Variants in PALM2AKAP2 observed in about 807,000 individuals in gnomAD.
PALM2AKAP2 encodes PALM2 and AKAP2 fusion.
PALM2AKAP2 carries 37 observed loss-of-function variants against 71.5 expected under a neutral mutation model. The observed-to-expected ratio is 0.52, with a 90% CI of 0.40 to 0.68. PALM2AKAP2 has a LOEUF of 0.68. PALM2AKAP2 is among the 30% of genes least tolerant of loss of function. PALM2AKAP2 has a pLI of 0.00. For synonymous variants in PALM2AKAP2, 468 were observed against 478.8 expected (o/e 0.98, Z 0.29); for missense variants, 1,224 against 1,191.8 (o/e 1.03, Z -0.40).
At chr9:109,733,796 T>C (rs1828590064) in intron 1 of PALM2AKAP2, among the ~76,000 whole-genome samples, 1 of 152,192 alleles carries the variant, frequency 6.6e-6, no homozygotes, top group South Asian at 2.1e-4. Flanking sequence ...CCACGAATAG[T>C]GATTGTGCAA....
intron 1 of PALM2AKAP2, among the ~76,000 whole-genome samples, chr9:109,741,501 C>T (rs1239308952): frequency 1.3e-5 from 2 of 152,140 alleles, no homozygotes; most frequent in East Asian, 3.9e-4. Context: ...GGTCATAGGG[C>T]GACAGATGTT....
At chr9:109,914,861 T>C (rs1189417329) in intron 3 of PALM2AKAP2, among the ~76,000 whole-genome samples, 1 of 152,208 alleles carries the variant, frequency 6.6e-6, no homozygotes, top group Non-Finnish European at 1.5e-5. Flanking sequence ...TCAGAAGTGT[T>C]CATAGGGTCC....
chr9:109,894,982 A>G (rs952606997), intron 3 of PALM2AKAP2, among the ~76,000 whole-genome samples: 1 of 152,154 alleles, frequency 6.6e-6, no homozygotes, highest in African/African-American at 2.4e-5. Context: ...CTAGAAAAGA[A>G]CTTGGAGTCT....
intron 6 of PALM2AKAP2, among the ~76,000 whole-genome samples, chr9:109,976,240 A>G (rs1832170740): frequency 6.6e-6 from 1 of 152,226 alleles, no homozygotes; most frequent in African/African-American, 2.4e-5. Context: ...CACTTAATAT[A>G]TGCCAAGTAC....
intron 3 of PALM2AKAP2, among the ~76,000 whole-genome samples, chr9:109,919,739 G>A (rs753095937): frequency 0.029 from 4,084 of 140,942 alleles, 92 homozygotes; most frequent in African/African-American, 0.068. Context: ...ATACATATGT[G>A]TGTGTGTGTG....
chr9:110,122,440 T>G (rs1835509722), intron 1 of PALM2AKAP2, among the ~76,000 whole-genome samples: 1 of 152,228 alleles, frequency 6.6e-6, no homozygotes, highest in Non-Finnish European at 1.5e-5. Flanking sequence ...TGGGGATTCA[T>G]GGCTTCTAGC....
intron 3 of PALM2AKAP2, among the ~76,000 whole-genome samples, chr9:109,882,549 A>G (rs559362441): frequency 5.2e-4 from 79 of 152,326 alleles, no homozygotes; most frequent in Admixed American, 5.0e-3. Context: ...ACATATATAT[A>G]TAGAGAGAGA....
intron 1 of PALM2AKAP2, among the ~76,000 whole-genome samples, chr9:109,737,352 G>C (rs763159887): frequency 2.0e-5 from 3 of 152,248 alleles, no homozygotes; most frequent in Non-Finnish European, 4.4e-5. Flanking sequence ...GCACAGTTAG[G>C]ACTGTGCAGT....
intron 1 of PALM2AKAP2, among the ~76,000 whole-genome samples, chr9:110,058,579 G>A (rs1833894693): frequency 6.6e-6 from 1 of 152,044 alleles, no homozygotes. Context: ...TGAATAATTG[G>A]TAAAGGGAAC....
At chr9:109,929,273 T>C (rs2131983548) in intron 5 of PALM2AKAP2, among the ~76,000 whole-genome samples, 2 of 152,186 alleles carry the variant, frequency 1.3e-5, no homozygotes, top group Middle Eastern at 3.4e-3. Flanking sequence ...CTCCATCTTA[T>C]TTGAATGCAG....
intron 1 of PALM2AKAP2, among the ~76,000 whole-genome samples, chr9:109,709,291 G>A (rs953194666): frequency 2.6e-5 from 4 of 152,204 alleles, no homozygotes; most frequent in African/African-American, 7.2e-5. Flanking sequence ...GCCCAGCCTA[G>A]TGCTTGGATG....
At chr9:110,136,283 A>C in exon 2 of PALM2AKAP2, 1 of 1,614,152 alleles carries the variant, frequency 6.2e-7, no homozygotes, top group African/African-American at 1.3e-5. Context: ...TGTTCCTGGA[A>C]TCACCTCTAC....
At chr9:109,941,833 G>T (rs1831378303) in intron 6 of PALM2AKAP2, among the ~76,000 whole-genome samples, 1 of 152,216 alleles carries the variant, frequency 6.6e-6, no homozygotes, top group Non-Finnish European at 1.5e-5. Context: ...GGGAGACCAG[G>T]TAGGAAGCTC....
At chr9:109,832,802 AAG>A (rs2131545075) in intron 1 of PALM2AKAP2, among the ~76,000 whole-genome samples, 1 of 152,288 alleles carries the variant, frequency 6.6e-6, no homozygotes, top group East Asian at 1.9e-4. Flanking sequence ...CTCAAATGGC[AAG>A]AGTTTGTTTA....
At chr9:110,021,556 A>G (rs148013088) in intron 7 of PALM2AKAP2, among the ~76,000 whole-genome samples, 113 of 152,230 alleles carry the variant, frequency 7.4e-4, no homozygotes, top group African/African-American at 2.6e-3. Context: ...AGATCCACAT[A>G]ATTTTCTTAT....
chr9:109,814,855 G>A (rs1235290118), intron 1 of PALM2AKAP2, among the ~76,000 whole-genome samples: 1 of 152,208 alleles, frequency 6.6e-6, no homozygotes, highest in Non-Finnish European at 1.5e-5. Context: ...AAAGAATGAT[G>A]GAGAGATGGA....
intron 1 of PALM2AKAP2, among the ~76,000 whole-genome samples, chr9:110,066,565 G>A (rs917873539): frequency 7.9e-5 from 12 of 152,058 alleles, no homozygotes; most frequent in Admixed American, 6.5e-4. Flanking sequence ...GGTCATGGTG[G>A]TGCACACCTG....
At chr9:110,048,110 T>TC (rs1160263188), upstream of PALM2AKAP2, among the ~76,000 whole-genome samples, 1 of 151,554 alleles carries the variant, frequency 6.6e-6, no homozygotes, top group African/African-American at 2.4e-5. Context: ...ATCGGGGGAG[T>TC]CCTCAAACAC....
chr9:110,081,286 T>C (rs983922185), intron 1 of PALM2AKAP2, among the ~76,000 whole-genome samples: 3 of 152,170 alleles, frequency 2.0e-5, no homozygotes, highest in African/African-American at 7.2e-5. Context: ...TCAAAAGATA[T>C]TTTTTCTTAG....
Sources: gnomAD v4.1 joint callset for allele counts (sites outside exome capture counted in the v4.1 genomes callset) on GRCh38, gnomAD v4.1.1 for gene constraint, MANE v1.5 for transcripts, NCBI Gene and HGNC (gene_info 2026-07-23, HGNC 2026-07-21) for gene names.